The following CSNK2A1 variants were observed in gnomAD, a reference collection of about 807,000 sequenced individuals.
CSNK2A1 encodes casein kinase II subunit alpha.
Under a neutral mutation model 62.9 loss-of-function variants are expected in CSNK2A1, and 10 were observed. The ratio of observed to expected loss-of-function variants is 0.16; its 90% confidence interval spans 0.10 to 0.27. The LOEUF (loss-of-function observed/expected upper bound fraction) is 0.27. Among genes scored for constraint, CSNK2A1 ranks in the 10% least tolerant of loss-of-function variants. CSNK2A1 has a pLI of 1.00. For missense variants in CSNK2A1, 160 were observed against 492.0 expected, an observed-to-expected ratio of 0.33 and a Z score of 6.38; for synonymous variants, 124 against 167.8, an observed-to-expected ratio of 0.74 and a Z score of 2.02.
At chr20:505,877 T>TC (rs1179388109) in intron 3 of CSNK2A1, 1 of 140,016 alleles carries the variant, frequency 7.1e-6, no homozygotes, top group Non-Finnish European at 1.5e-5. Context: ...TAATTTTTTT[T>TC]TTTTTTTTTT....
intron 4 of CSNK2A1, chr20:501,376 C>T (rs1380072658): frequency 1.3e-5 from 2 of 152,102 alleles, no homozygotes; most frequent in Non-Finnish European, 2.9e-5. Flanking sequence ...TATTATAAAG[C>T]CTTCTCCTGA....
At chr20:516,569 A>C (rs965874071) in intron 2 of CSNK2A1, among the ~76,000 whole-genome samples, 2 of 152,228 alleles carry the variant, frequency 1.3e-5, no homozygotes, top group Non-Finnish European at 2.9e-5. Flanking sequence ...AATTAATTTC[A>C]ATAAAAACTC....
chr20:519,677 G>A (rs2018904066), intron 2 of CSNK2A1, among the ~76,000 whole-genome samples: 1 of 151,978 alleles, frequency 6.6e-6, no homozygotes, highest in South Asian at 2.1e-4. Context: ...GCAGTGTGCT[G>A]AAAAAAATAA....
chr20:522,703 T>C (rs901267953), intron 2 of CSNK2A1, among the ~76,000 whole-genome samples: 4 of 152,148 alleles, frequency 2.6e-5, no homozygotes, highest in African/African-American at 9.7e-5. Context: ...TTTATTTATT[T>C]ATTTATTTTT....
At chr20:526,929 G>C (rs1181151973) in intron 2 of CSNK2A1, 1 of 151,438 alleles carries the variant, frequency 6.6e-6, no homozygotes, top group Non-Finnish European at 1.5e-5. Context: ...CTCCAGCCTG[G>C]CGACAGTGAG....
rs1252354768 is a variant in CSNK2A1 at position 543,738 on chromosome 20, T to C, written c.-293A>G. ...GCTCACACAGACAATATGGCGGCGA[T>C]GGAGGAGGAGACACACGGCTCGGCC... On this transcript the variant is annotated 5_prime_UTR_variant, in exon 1 of 14. Transcript: ENST00000217244. 4 of 398,378 alleles carry C rather than the reference T, an allele frequency of 1.0e-5. No homozygotes were observed. Among genetic ancestry groups the C allele is most frequent in the East Asian group, 7.1e-5 (2 of 28,042 alleles). The allele number at this position is 398,378 out of a possible 1,614,324, so 24.7% of individuals were successfully genotyped here.
Position 484,079 on chromosome 20 carries a change from G to A in CSNK2A1, c.1061-3C>T, listed in dbSNP as rs768431206. The stretch of plus-strand genomic sequence containing the variant: ...AGGGGTTGGCACTGAAGAAATCCCT[G>A]AAAGAAAAGAGCTGTCAGTGAGCCA... On this transcript the variant is annotated splice_polypyrimidine_tract_variant and splice_region_variant and intron_variant, in intron 13 of 13. Transcript: ENST00000217244. 48 of 1,582,566 alleles carry A rather than the reference G, an allele frequency of 3.0e-5. No homozygotes were observed. The highest frequency in any genetic ancestry group is 3.6e-5 in the Non-Finnish European group (42 of 1,166,260).
intron 2 of CSNK2A1, chr20:527,001 C>CAGACAGACAGAGAGAG (rs1197678638): frequency 9.4e-4 from 92 of 97,890 alleles, no homozygotes; most frequent in South Asian, 8.6e-3. Context: ...GAGAGACAGA[C>CAGACAGACAGAGAGAG]AGAGAGAGAG....
chr20:488,373 A>C, intron 11 of CSNK2A1: 1 of 262,920 alleles, frequency 3.8e-6, no homozygotes, highest in Non-Finnish European at 7.2e-6. Flanking sequence ...TTTTTCACTT[A>C]AAGAAGCAAG....
Position 479,982 on chromosome 20 carries a change from G to A in CSNK2A1, c.*3979C>T, listed in dbSNP as rs1350137762. 6.6e-6 allele frequency: 1 copy of A among 152,158 alleles called. No individual in the cohort carries two copies. Among genetic ancestry groups the A allele is most frequent in the Non-Finnish European group, 1.5e-5 (1 of 68,034 alleles). 9.4% of individuals were successfully genotyped at this position (152,158 alleles called of 1,614,324 possible). A position where few individuals can be genotyped will look rare whatever the true frequency, so the allele number is the denominator to read the frequency against. On this transcript the variant is annotated 3_prime_UTR_variant, in exon 14 of 14. Transcript: ENST00000217244. ...TTCTGGTCCCAACCATTTTGGATAG[G>A]GGATATTCAACCTATATTACACACA...
chr20:487,741 G>C, intron 11 of CSNK2A1, 166 bp from the exon 12 acceptor site: 1 of 812,742 alleles, frequency 1.2e-6, no homozygotes, highest in Non-Finnish European at 1.9e-6. Context: ...GGACAACAAA[G>C]CTAACTGGAG....
At chr20:515,837 T>C (rs1345974811) in intron 2 of CSNK2A1, among the ~76,000 whole-genome samples, 3 of 152,238 alleles carry the variant, frequency 2.0e-5, no homozygotes, top group Non-Finnish European at 2.9e-5. Flanking sequence ...ATCCAAAGTA[T>C]AGGGTGTTCC....
At position 499,451 on chromosome 20, in the gene CSNK2A1, C is replaced by T. The variant is rs2018413511; in HGVS notation, c.316-146G>A. ...ACCCTCTATTGCTACAAGCCCTCCC[C>T]GCTCTGATCATCACCGCACTTAGGT... On this transcript the variant is annotated intron_variant, in intron 5 of 13. Transcript: ENST00000217244. This position sits in a 1 kb window ranked among gnomAD's most constrained non-coding sequence, Gnocchi z 4.2. The T allele has an allele frequency of 9.3e-6, 6 of 644,298 alleles. No individual in the cohort carries two copies. The highest frequency in any genetic ancestry group is 6.8e-5 in the South Asian group (3 of 44,204). The allele number at this position is 644,298 out of a possible 1,614,324, so 39.9% of individuals were successfully genotyped here.
intron 2 of CSNK2A1, among the ~76,000 whole-genome samples, chr20:521,485 A>G (rs2070855349): frequency 6.6e-6 from 1 of 152,348 alleles, no homozygotes; most frequent in South Asian, 2.1e-4. Flanking sequence ...TGGTTTTGGA[A>G]AACAGTTTGG....
intron 2 of CSNK2A1, among the ~76,000 whole-genome samples, chr20:515,095 T>G (rs2268628): frequency 6.6e-6 from 1 of 151,784 alleles, no homozygotes. Flanking sequence ...TCTGGCTGAG[T>G]GTGGGACAGG....
At chr20:538,199 G>C (rs1342340283) in intron 1 of CSNK2A1, among the ~76,000 whole-genome samples, 1 of 152,014 alleles carries the variant, frequency 6.6e-6, no homozygotes, top group African/African-American at 2.4e-5. Context: ...TGCCCACCTC[G>C]GCCTCTCAAA....
At position 482,279 on chromosome 20, in the gene CSNK2A1, G is replaced by A. The variant is rs2017969580; in HGVS notation, c.*1682C>T. 6.6e-6 allele frequency: 1 copy of A among 152,188 alleles called. No homozygotes were observed. Among genetic ancestry groups the A allele is most frequent in the Admixed American group, 6.5e-5 (1 of 15,276 alleles). 9.4% of individuals were successfully genotyped at this position (152,188 alleles called of 1,614,324 possible). A position where few individuals can be genotyped will look rare whatever the true frequency, so the allele number is the denominator to read the frequency against. ...TTCCTAGTTCCCACAAGCAGCTACT[G>A]TAATGAAATAACAGGAGAAAATACA... On this transcript the variant is annotated 3_prime_UTR_variant, in exon 14 of 14. Coordinates refer to ENST00000217244, the MANE Select transcript of CSNK2A1 (RefSeq NM_177559.3).
chr20:540,884 T>C (rs2019436163), intron 1 of CSNK2A1: 1 of 152,180 alleles, frequency 6.6e-6, no homozygotes, highest in Non-Finnish European at 1.5e-5. Flanking sequence ...TTGCTTAGGG[T>C]CTCACGAGGC....
chr20:520,076 C>G lies in CSNK2A1; in HGVS notation c.-110+7857G>C, dbSNP rs147135303. On this transcript the variant is annotated intron_variant, in intron 2 of 13. Transcript: ENST00000217244. ...AACCAGAAAGAGGGAAAAGTAAAAT[C>G]ATAAAAAGAATCCAAAAGAATGTTA... 3.1e-3 allele frequency among the ~76,000 whole-genome samples: 462 copies of G among 151,192 alleles called. 5 individuals are homozygous for G. The Middle Eastern group carries it at 0.038, about 12-fold the overall frequency.
Sources: gnomAD v4.1 joint callset for allele counts (sites outside exome capture counted in the v4.1 genomes callset) on GRCh38, gnomAD v4.1.1 for gene constraint, Gnocchi (gnomAD v3.1) non-coding constraint, MANE v1.5 for transcripts, NCBI Gene and HGNC (gene_info 2026-07-23, HGNC 2026-07-21) for gene names.